The following CYP39A1 variants were observed in gnomAD, a reference collection of about 807,000 sequenced individuals.
The protein encoded by CYP39A1 is cytochrome P450 family 39 subfamily A member 1.
In CYP39A1, 49 loss-of-function variants were observed where a neutral mutation model predicts 58.1. The ratio of observed to expected loss-of-function variants is 0.84; its 90% CI spans 0.67 to 1.07. CYP39A1 has a LOEUF of 1.07. CYP39A1 is among the 50% of genes least tolerant of loss of function. CYP39A1 has a pLI of 0.00. For missense variants in CYP39A1, 531 were observed against 539.4 expected (o/e 0.98, Z 0.16); for synonymous variants, 209 against 187.6 (o/e 1.11, Z -0.93).
At chr6:46,642,836 C>T (rs776363224) in intron 1 of CYP39A1, among the ~76,000 whole-genome samples, 8 of 152,188 alleles carry the variant, frequency 5.3e-5, no homozygotes, top group Non-Finnish European at 8.8e-5. Context: ...AGTGTCCCTG[C>T]CTTGTAACTC....
chr6:46,639,017 G>A (rs1004779442), intron 3 of CYP39A1, among the ~76,000 whole-genome samples: 3 of 152,142 alleles, frequency 2.0e-5, no homozygotes, highest in African/African-American at 7.2e-5. Context: ...GACTTTGCCT[G>A]AGCCACTTGT....
intron 10 of CYP39A1, among the ~76,000 whole-genome samples, chr6:46,560,034 G>T (rs538471733): frequency 6.6e-6 from 1 of 152,270 alleles, no homozygotes; most frequent in South Asian, 2.1e-4. Context: ...GTTGATGGAG[G>T]TGTGGGCTAA....
At chr6:46,633,849 T>C (rs1438328344) in intron 5 of CYP39A1, among the ~76,000 whole-genome samples, 2 of 151,130 alleles carry the variant, frequency 1.3e-5, no homozygotes, top group Non-Finnish European at 2.9e-5. Context: ...AGAGCAAGAC[T>C]CCATCTCAAA....
At chr6:46,594,960 G>C (rs1773057892) in intron 8 of CYP39A1, among the ~76,000 whole-genome samples, 1 of 151,462 alleles carries the variant, frequency 6.6e-6, no homozygotes, top group South Asian at 2.1e-4. Context: ...CAACTCACTA[G>C]TAAAAAACAA....
rs531975164 is a variant in CYP39A1 at position 46,638,693 on chromosome 6, T to C, written c.489-715A>G. On this transcript the variant is annotated intron_variant, in intron 3 of 11. Transcript: ENST00000275016. ...GTATGCTTCAGCACATTTTTAAATT[T>C]GGTTGTTTTTGTGTCCCCCCTCCAC... Among the ~76,000 whole-genome samples the C allele has an allele frequency of 2.6e-5, 4 of 152,310 alleles. No homozygotes were observed. In the South Asian group the frequency reaches 8.3e-4, roughly 32 times the overall value.
chr6:46,652,723 C>T lies in CYP39A1; in HGVS notation c.-141G>A. Reference sequence around the variant, plus strand: ...TTGCAGCTCTCCTTCGTAACTGTAGCTTCCTTCCTCTGTCCCAGTTTTCAG... The same window carrying T: ...TTGCAGCTCTCCTTCGTAACTGTAGTTTCCTTCCTCTGTCCCAGTTTTCAG... On this transcript the variant is annotated 5_prime_UTR_variant, in exon 1 of 12. Coordinates refer to ENST00000275016, the MANE Select transcript of CYP39A1 (RefSeq NM_016593.5). 1.4e-6 allele frequency: 1 copy of T among 694,918 alleles called. No individual in the cohort carries two copies. Among genetic ancestry groups the T allele is most frequent in the Non-Finnish European group, 2.3e-6 (1 of 429,526 alleles). 43.0% of individuals were successfully genotyped at this position (694,918 alleles called of 1,614,324 possible). A position where few individuals can be genotyped will look rare whatever the true frequency, so the allele number is the denominator to read the frequency against.
intron 10 of CYP39A1, among the ~76,000 whole-genome samples, chr6:46,584,859 C>T (rs1772370367): frequency 6.6e-6 from 1 of 152,132 alleles, no homozygotes; most frequent in Admixed American, 6.6e-5. Flanking sequence ...TCTCTTGAAG[C>T]TCAGTGTGAC....
intron 6 of CYP39A1, among the ~76,000 whole-genome samples, chr6:46,626,945 C>A (rs1201711258): frequency 6.6e-6 from 1 of 152,074 alleles, no homozygotes; most frequent in African/African-American, 2.4e-5. Flanking sequence ...ATAAAGAATT[C>A]CCTGAGACTG....
At chr6:46,629,050 A>C (rs961474817) in intron 6 of CYP39A1, among the ~76,000 whole-genome samples, 3 of 152,176 alleles carry the variant, frequency 2.0e-5, no homozygotes, top group African/African-American at 7.2e-5. Flanking sequence ...CAATTGGCCC[A>C]CTGTTACCCA....
At position 46,636,406 on chromosome 6, in the gene CYP39A1, C is replaced by T. The variant is rs924635304; in HGVS notation, c.715G>A (p.Ala239Thr). ...ATACTTACCATGGAATTATCTTTTGCAGATTTACATGCTTTTATATCTGGA... is the reference window on the plus strand; with the variant it reads ...ATACTTACCATGGAATTATCTTTTGTAGATTTACATGCTTTTATATCTGGA... ...NIPDIKACKS[A>T]KDNSMTLLQA... The change falls in exon 5 of 12, where the codon GCA becomes ACA. Residue 239 changes from alanine to threonine, a missense_variant. Ala to Thr is a moderately conservative substitution (Grantham distance 58). Coordinates refer to ENST00000275016, the MANE Select transcript of CYP39A1 (RefSeq NM_016593.5). The T allele has an allele frequency of 6.2e-7, 1 of 1,603,616 alleles. No homozygotes were observed.
Position 46,626,803 on chromosome 6 carries a change from A to T in CYP39A1, c.841-1295T>A, listed in dbSNP as rs149550431. Among the ~76,000 whole-genome samples the T allele has an allele frequency of 4.1e-3, 631 of 152,296 alleles. 6 individuals carry two copies. Among genetic ancestry groups the T allele is most frequent in the African/African-American group, 0.014 (599 of 41,556 alleles). On this transcript the variant is annotated intron_variant, in intron 6 of 11. Transcript: ENST00000275016. ...CCCTTTCTACTATTAACTACAGATA[A>T]AAGTGCTAAATTACTGAATTCAATT... is the stretch of plus-strand genomic sequence containing the variant.
intron 7 of CYP39A1, among the ~76,000 whole-genome samples, chr6:46,603,308 T>G (rs1320710972): frequency 6.6e-6 from 1 of 152,220 alleles, no homozygotes; most frequent in Non-Finnish European, 1.5e-5. Flanking sequence ...TAGCTACAGA[T>G]AGAAGGCCAG....
intron 7 of CYP39A1, among the ~76,000 whole-genome samples, chr6:46,604,830 T>C (rs1773736491): frequency 6.6e-6 from 1 of 152,146 alleles, no homozygotes; most frequent in Non-Finnish European, 1.5e-5. Flanking sequence ...CCTTTGCAAT[T>C]ACTTAAACAT....
intron 7 of CYP39A1, among the ~76,000 whole-genome samples, chr6:46,601,494 G>T (rs1372611283): frequency 6.6e-6 from 1 of 152,052 alleles, no homozygotes; most frequent in Non-Finnish European, 1.5e-5. Context: ...CTGAATCCTA[G>T]AGGCTATGTG....
chr6:46,643,555 A>G (rs2150601630), intron 1 of CYP39A1, among the ~76,000 whole-genome samples: 1 of 152,328 alleles, frequency 6.6e-6, no homozygotes, highest in South Asian at 2.1e-4. Flanking sequence ...ACTCATTTTC[A>G]TTGTTAAAGT....
At chr6:46,651,990 C>T (rs1762722710) in intron 1 of CYP39A1, among the ~76,000 whole-genome samples, 1 of 152,166 alleles carries the variant, frequency 6.6e-6, no homozygotes, top group South Asian at 2.1e-4. Context: ...TGTGTACGGA[C>T]CAACTGTGCA....
intron 8 of CYP39A1, among the ~76,000 whole-genome samples, chr6:46,595,605 G>A (rs1426357078): frequency 6.6e-6 from 1 of 151,750 alleles, no homozygotes; most frequent in East Asian, 1.9e-4. Flanking sequence ...GGTGGAGGAG[G>A]ACCTGGAGAG....
intron 7 of CYP39A1, among the ~76,000 whole-genome samples, chr6:46,613,696 ATTTG>A (rs886789251): frequency 2.0e-5 from 3 of 151,160 alleles, no homozygotes; most frequent in Non-Finnish European, 4.4e-5. Flanking sequence ...GCACATTTTT[ATTTG>A]TTTGTTTTTT....
At chr6:46,566,024 A>G (rs1771253721) in intron 10 of CYP39A1, among the ~76,000 whole-genome samples, 2 of 152,130 alleles carry the variant, frequency 1.3e-5, no homozygotes, top group Non-Finnish European at 2.9e-5. Flanking sequence ...CAGTCACAAG[A>G]GCAGATGGGA....
Sources: allele counts gnomAD v4.1 joint callset (sites outside exome capture counted in the v4.1 genomes callset), GRCh38; gene constraint gnomAD v4.1.1; transcripts MANE v1.5; gene names NCBI Gene and HGNC (gene_info 2026-07-23, HGNC 2026-07-21).